PTPN14: variants seen among roughly 807,000 people sequenced by gnomAD.
PTPN14 encodes the protein protein tyrosine phosphatase non-receptor type 14, also known as tyrosine-protein phosphatase non-receptor type 14.
In PTPN14, 53 loss-of-function variants were observed where a neutral mutation model predicts 126.8. The ratio of observed to expected loss-of-function variants is 0.42; its 90% CI spans 0.34 to 0.53. The LOEUF is 0.53. Among genes scored for constraint, PTPN14 ranks in the 20% least tolerant of loss-of-function variants. PTPN14 has a pLI of 0.08. For synonymous variants in PTPN14, 630 were observed against 599.3 expected (o/e 1.05, Z -0.75); for missense variants, 1,257 against 1,552.9 (o/e 0.81, Z 3.20).
At chr1:214,465,896 C>G (rs1660623237) in intron 1 of PTPN14, among the ~76,000 whole-genome samples, 1 of 107,956 alleles carries the variant, frequency 9.3e-6, no homozygotes, top group Non-Finnish European at 1.9e-5. Context: ...TTATTATTTA[C>G]TTAGAATGAA....
intron 1 of PTPN14, among the ~76,000 whole-genome samples, chr1:214,524,853 C>A (rs1281321184): frequency 6.6e-6 from 1 of 152,182 alleles, no homozygotes; most frequent in Non-Finnish European, 1.5e-5. Context: ...TCTATCACAT[C>A]CTGTTCTCTA....
chr1:214,374,255 A>T (rs1214701815), intron 15 of PTPN14, among the ~76,000 whole-genome samples: 1 of 152,234 alleles, frequency 6.6e-6, no homozygotes, highest in Non-Finnish European at 1.5e-5. Flanking sequence ...AAACAAAAAC[A>T]ATGTAAGTTA....
At chr1:214,391,353 C>T (rs1658747030) in intron 10 of PTPN14, among the ~76,000 whole-genome samples, 1 of 151,764 alleles carries the variant, frequency 6.6e-6, no homozygotes, top group Non-Finnish European at 1.5e-5. Context: ...ACCATTATTA[C>T]ATGGATTTTA....
chr1:214,389,208 T>G (rs1011040460), intron 11 of PTPN14, among the ~76,000 whole-genome samples: 25 of 152,146 alleles, frequency 1.6e-4, no homozygotes, highest in African/African-American at 5.6e-4. Context: ...AAGGCAAAAT[T>G]GGTTTACTGT....
At chr1:214,457,794 T>C (rs1286482814) in intron 2 of PTPN14, among the ~76,000 whole-genome samples, 1 of 152,196 alleles carries the variant, frequency 6.6e-6, no homozygotes, top group African/African-American at 2.4e-5. Context: ...TAATGAGTAT[T>C]TTAGTTTTCT....
At chr1:214,545,193 G>T (rs530277083) in intron 1 of PTPN14, among the ~76,000 whole-genome samples, 1 of 152,304 alleles carries the variant, frequency 6.6e-6, no homozygotes, top group South Asian at 2.1e-4. Context: ...TTTCTGCAGC[G>T]CTGAAAGAGT....
At chr1:214,506,229 C>A (rs1196134240) in intron 1 of PTPN14, among the ~76,000 whole-genome samples, 1 of 152,186 alleles carries the variant, frequency 6.6e-6, no homozygotes, top group Admixed American at 6.5e-5. Context: ...ACTGGCCAGG[C>A]ACGGTGGCTC....
chr1:214,364,722 C>T lies in PTPN14; in HGVS notation c.3272-47G>A, dbSNP rs768878598. 8 of 1,568,428 alleles carry T rather than the reference C, an allele frequency of 5.1e-6. No homozygotes were observed. The highest frequency in any genetic ancestry group is 1.7e-5 in the Admixed American group (1 of 57,898). ...CTGTCACCAAAGTCCTCCATGGCTT[C>T]GCATGTAAGTTGGGGAGGGGGGAGC... On this transcript the variant is annotated intron_variant, in intron 17 of 18. Transcript: ENST00000366956. This position sits in a 1 kb window ranked among gnomAD's most constrained non-coding sequence, Gnocchi z 4.1.
chr1:214,421,222 A>G (rs535895490), intron 3 of PTPN14, among the ~76,000 whole-genome samples: 13 of 152,256 alleles, frequency 8.5e-5, no homozygotes, highest in Admixed American at 1.3e-4. Flanking sequence ...CAGCCATAAA[A>G]AGAATGATAT....
At chr1:214,532,727 A>G (rs1655585600) in intron 1 of PTPN14, 6 of 786,852 alleles carry the variant, frequency 7.6e-6, no homozygotes, top group South Asian at 6.7e-5. Context: ...GAGCAGCATT[A>G]CGGGCTCTGC....
At position 214,372,827 on chromosome 1, in the gene PTPN14, C is replaced by T. The variant is rs576230455; in HGVS notation, c.2920G>A (p.Gly974Arg). Residue 974 changes from glycine (G) to arginine (R), a missense_variant, in exon 16 of 19, where the codon GGG becomes AGG. Coordinates refer to ENST00000366956, the MANE Select transcript of PTPN14 (RefSeq NM_005401.5). ...GTGGCTATGTAGTGCCATTCTGCCC[C>T]GCCAACCACCACCTAAAAACCAAGA... ...NASHIKVVVG[G>R]AEWHYIATQG... 36 of 1,613,942 alleles carry T rather than the reference C, an allele frequency of 2.2e-5. No individual in the cohort carries two copies. The highest frequency in any genetic ancestry group is 2.7e-5 in the African/African-American group (2 of 74,912).
At chr1:214,528,224 T>C (rs1655450829) in intron 1 of PTPN14, 1 of 152,180 alleles carries the variant, frequency 6.6e-6, no homozygotes, top group Non-Finnish European at 1.5e-5. Context: ...AACCTACTCC[T>C]GGGAATTCAA....
intron 2 of PTPN14, among the ~76,000 whole-genome samples, chr1:214,458,042 G>C (rs1305726928): frequency 6.7e-6 from 1 of 150,350 alleles, no homozygotes; most frequent in East Asian, 1.9e-4. Context: ...TATACCTAGA[G>C]AGAGAGAGAG....
At position 214,368,096 on chromosome 1, in the gene PTPN14, T is replaced by TGAGAAAGTAC. The variant is rs1658125186; in HGVS notation, c.3271+1351_3271+1360dup. Among the ~76,000 whole-genome samples the TGAGAAAGTAC allele has an allele frequency of 2.6e-5, 4 of 152,336 alleles. No homozygotes were observed. The South Asian group carries it at 6.2e-4, about 24-fold the overall frequency. On this transcript the variant is annotated intron_variant, in intron 17 of 18. Coordinates refer to ENST00000366956, the MANE Select transcript of PTPN14 (RefSeq NM_005401.5). ...ACTTCTTAGTGTCTTCATAAAAATA[T>TGAGAAAGTAC]GAGAAAGTACGAGAAAGTACTGAGA...
At chr1:214,448,309 C>A (rs1291882950) in intron 3 of PTPN14, among the ~76,000 whole-genome samples, 1 of 152,120 alleles carries the variant, frequency 6.6e-6, no homozygotes, top group Non-Finnish European at 1.5e-5. Flanking sequence ...CGGCTCACTG[C>A]AAGCTCCGCC....
intron 3 of PTPN14, among the ~76,000 whole-genome samples, chr1:214,446,297 G>T (rs1558105833): frequency 6.6e-6 from 1 of 152,158 alleles, no homozygotes; most frequent in East Asian, 1.9e-4. Flanking sequence ...AGCCCTGTGT[G>T]TATTTTCCTT....
At position 214,551,240 on chromosome 1, in the gene PTPN14, G is replaced by A. The variant is rs1195270846; in HGVS notation, c.-212C>T. 6.6e-6 allele frequency: 1 copy of A among 152,446 alleles called. No individual in the cohort carries two copies. Among genetic ancestry groups the A allele is most frequent in the Non-Finnish European group, 1.5e-5 (1 of 68,204 alleles). The allele number at this position is 152,446 out of a possible 1,614,324, so 9.4% of individuals were successfully genotyped here. On this transcript the variant is annotated 5_prime_UTR_variant, in exon 1 of 19. Coordinates refer to ENST00000366956, the MANE Select transcript of PTPN14 (RefSeq NM_005401.5). ...CCCGCGCGGAAAGGCTGTCCTTCGC[G>A]GCGGCGGAGCCGATTCCCCACGGAA...
intron 3 of PTPN14, among the ~76,000 whole-genome samples, chr1:214,419,454 C>T (rs1659495785): frequency 6.6e-6 from 1 of 152,116 alleles, no homozygotes; most frequent in Non-Finnish European, 1.5e-5. Context: ...GAGGACCAGA[C>T]CAGGACCCGG....
chr1:214,426,250 C>G (rs935000702), intron 3 of PTPN14, among the ~76,000 whole-genome samples: 7 of 151,920 alleles, frequency 4.6e-5, no homozygotes, highest in Non-Finnish European at 1.0e-4. Context: ...TCTCACTGCC[C>G]AAGAATCTAG....
Sources: allele counts gnomAD v4.1 joint callset (sites outside exome capture counted in the v4.1 genomes callset), GRCh38; gene constraint gnomAD v4.1.1; non-coding constraint Gnocchi (gnomAD v3.1); transcripts MANE v1.5; gene names NCBI Gene and HGNC (gene_info 2026-07-23, HGNC 2026-07-21).